The following SGSM1 variants were observed in gnomAD, a reference collection of about 807,000 sequenced individuals.
SGSM1 encodes small G protein signaling modulator 1.
SGSM1 carries 73 observed loss-of-function variants against 133.8 expected under a neutral mutation model. The observed-to-expected ratio is 0.55, with a 90% CI of 0.45 to 0.66. The LOEUF is 0.66. Among genes scored for constraint, SGSM1 ranks in the 30% least tolerant of loss-of-function variants. The pLI, the probability that SGSM1 is intolerant of heterozygous loss-of-function variation, is 0.00. For missense variants in SGSM1, 1,213 were observed against 1,448.1 expected (o/e 0.84, Z 2.64); for synonymous variants, 563 against 573.0 (o/e 0.98, Z 0.25).
chr22:24,906,004 A>G (rs1426595514), intron 21 of SGSM1, among the ~76,000 whole-genome samples: 1 of 152,156 alleles, frequency 6.6e-6, no homozygotes, highest in Non-Finnish European at 1.5e-5. Flanking sequence ...ATACAAATGC[A>G]GAAATCCTCA....
At chr22:24,819,720 G>A (rs1928352885) in intron 2 of SGSM1, among the ~76,000 whole-genome samples, 1 of 152,222 alleles carries the variant, frequency 6.6e-6, no homozygotes, top group African/African-American at 2.4e-5. Context: ...CACACAGCTG[G>A]TAAGAGATGG....
At chr22:24,846,828 G>T (rs997741356) in intron 3 of SGSM1, among the ~76,000 whole-genome samples, 1 of 151,292 alleles carries the variant, frequency 6.6e-6, no homozygotes, top group Non-Finnish European at 1.5e-5. Context: ...TTGTTTTTTT[G>T]TTTGTTTGTT....
rs200855567 is a variant in SGSM1 at position 24,882,890 on chromosome 22, C to CTT, written c.1496-1153_1496-1152dup. Among the ~76,000 whole-genome samples the CTT allele has an allele frequency of 4.1e-3, 604 of 146,420 alleles. 3 individuals carry two copies. The highest frequency in any genetic ancestry group is 0.014 in the Middle Eastern group (4 of 286). On this transcript the variant is annotated intron_variant, in intron 14 of 24. Transcript: ENST00000400358. ...CCATCACATTTGTATACCACGGTTTCTTTTTTTTTTTCTTTCTTTTTTTTT... is the reference window on the plus strand; with the variant it reads ...CCATCACATTTGTATACCACGGTTTCTTTTTTTTTTTTTCTTTCTTTTTTTTT...
At chr22:24,818,564 A>C (rs981329931) in intron 2 of SGSM1, among the ~76,000 whole-genome samples, 18 of 151,542 alleles carry the variant, frequency 1.2e-4, no homozygotes, top group African/African-American at 4.4e-4. Context: ...ATGGGGTTTC[A>C]CCTTGTTGGT....
intron 9 of SGSM1, among the ~76,000 whole-genome samples, chr22:24,861,491 GTC>G (rs951073837): frequency 7.9e-5 from 12 of 151,346 alleles, no homozygotes; most frequent in East Asian, 3.9e-4. Flanking sequence ...AGACCCTGTA[GTC>G]TCTCTCTCTC....
chr22:24,856,676 C>T (rs763104054), intron 8 of SGSM1, among the ~76,000 whole-genome samples: 2 of 152,164 alleles, frequency 1.3e-5, no homozygotes, highest in Non-Finnish European at 1.5e-5. Flanking sequence ...GTCACTTTTC[C>T]CTCTGAGCCT....
At chr22:24,839,277 T>C (rs1290785201) in intron 2 of SGSM1, among the ~76,000 whole-genome samples, 1 of 152,202 alleles carries the variant, frequency 6.6e-6, no homozygotes, top group Non-Finnish European at 1.5e-5. Flanking sequence ...TTGCCCAGAC[T>C]GGTTTCAAAC....
At chr22:24,923,556 T>C (rs185277120) in intron 24 of SGSM1, among the ~76,000 whole-genome samples, 25 of 152,006 alleles carry the variant, frequency 1.6e-4, no homozygotes, top group Admixed American at 1.2e-3. Context: ...GTCTACTGTG[T>C]GCCCAGCACT....
At chr22:24,835,107 T>A (rs562784465) in intron 2 of SGSM1, among the ~76,000 whole-genome samples, 8 of 152,184 alleles carry the variant, frequency 5.3e-5, no homozygotes, top group Non-Finnish European at 8.8e-5. Flanking sequence ...GTGGTGATGT[T>A]TCCCCCTGCA....
intron 2 of SGSM1, among the ~76,000 whole-genome samples, chr22:24,808,282 T>A (rs367653742): frequency 6.6e-6 from 1 of 152,044 alleles, no homozygotes; most frequent in Non-Finnish European, 1.5e-5. Flanking sequence ...GCTAATTTTT[T>A]ATTTTTTTAT....
At chr22:24,820,197 T>C (rs1484254406) in intron 2 of SGSM1, among the ~76,000 whole-genome samples, 1 of 152,118 alleles carries the variant, frequency 6.6e-6, no homozygotes, top group African/African-American at 2.4e-5. Flanking sequence ...CTGAAGGACC[T>C]TTATACAAGA....
chr22:24,858,713 C>T (rs1930957141), intron 8 of SGSM1, among the ~76,000 whole-genome samples: 2 of 151,980 alleles, frequency 1.3e-5, no homozygotes, highest in African/African-American at 4.8e-5. Flanking sequence ...ACGTGCCTGC[C>T]TTGCCAGCAT....
At chr22:24,837,793 A>G (rs969899811) in intron 2 of SGSM1, among the ~76,000 whole-genome samples, 1 of 152,148 alleles carries the variant, frequency 6.6e-6, no homozygotes, top group South Asian at 2.1e-4. Flanking sequence ...CTCAGCTCCT[A>G]TCTCTGTATG....
intron 12 of SGSM1, among the ~76,000 whole-genome samples, chr22:24,870,702 G>A (rs887614788): frequency 6.6e-6 from 1 of 152,140 alleles, no homozygotes; most frequent in African/African-American, 2.4e-5. Context: ...TTCTGGCCAG[G>A]GATGGGGCAT....
intron 12 of SGSM1, 75 bp downstream of exon 12, chr22:24,868,930 T>C: frequency 6.4e-7 from 1 of 1,562,178 alleles, no homozygotes; most frequent in Non-Finnish European, 8.7e-7. Context: ...TGTTTGAAAC[T>C]AGAAGATGAC....
intron 2 of SGSM1, among the ~76,000 whole-genome samples, chr22:24,830,456 C>T (rs1929051808): frequency 1.3e-5 from 2 of 152,180 alleles, no homozygotes. Context: ...CACTCTGCAG[C>T]GTTTGGACTT....
At chr22:24,888,938 CTTTTTTTTTTTTT>C (rs1234715475) in intron 16 of SGSM1, among the ~76,000 whole-genome samples, 2 of 79,946 alleles carry the variant, frequency 2.5e-5, no homozygotes, top group Non-Finnish European at 4.3e-5. Context: ...TCATAGTCAC[CTTTTTTTTTTTTT>C]TTTTTTTTTT....
chr22:24,889,705 A>G (rs1277464151), intron 16 of SGSM1, among the ~76,000 whole-genome samples: 3 of 145,728 alleles, frequency 2.1e-5, no homozygotes, highest in Non-Finnish European at 3.0e-5. Context: ...GCTGGAATGC[A>G]GTGGCGCGAT....
intron 12 of SGSM1, among the ~76,000 whole-genome samples, chr22:24,869,397 G>A (rs1931650406): frequency 6.6e-6 from 1 of 152,126 alleles, no homozygotes; most frequent in Admixed American, 6.5e-5. Context: ...GCATGCATCT[G>A]TGGTCCCAGC....
Sources: allele counts gnomAD v4.1 joint callset (sites outside exome capture counted in the v4.1 genomes callset), GRCh38; gene constraint gnomAD v4.1.1; transcripts MANE v1.5; gene names NCBI Gene and HGNC (gene_info 2026-07-23, HGNC 2026-07-21).